PIP4K2A: variants seen among roughly 807,000 people sequenced by gnomAD.
The protein encoded by PIP4K2A is phosphatidylinositol 5-phosphate 4-kinase type-2 alpha.
PIP4K2A carries 14 observed loss-of-function variants against 42.9 expected under a neutral mutation model. That is an observed-to-expected ratio of 0.33 (90% CI 0.22 to 0.51). PIP4K2A has a LOEUF of 0.51. PIP4K2A is among the 20% of genes least tolerant of loss of function. The pLI is 0.97. For synonymous variants in PIP4K2A, 192 were observed against 192.2 expected, an observed-to-expected ratio of 1.00 and a Z score of 0.01; for missense variants, 434 against 519.8, an observed-to-expected ratio of 0.83 and a Z score of 1.61.
At chr10:22,650,301 T>A (rs1459820221) in intron 1 of PIP4K2A, among the ~76,000 whole-genome samples, 3 of 152,190 alleles carry the variant, frequency 2.0e-5, no homozygotes, top group Non-Finnish European at 4.4e-5. Context: ...TCACCCAGAC[T>A]GGAGTATATA....
chr10:22,598,389 T>A (rs1837680084), intron 3 of PIP4K2A, among the ~76,000 whole-genome samples: 1 of 152,192 alleles, frequency 6.6e-6, no homozygotes, highest in South Asian at 2.1e-4. Flanking sequence ...AATTGGGGAT[T>A]CTGCACCTAT....
intron 6 of PIP4K2A, among the ~76,000 whole-genome samples, chr10:22,557,903 G>A (rs889176277): frequency 6.6e-6 from 1 of 152,174 alleles, no homozygotes; most frequent in Non-Finnish European, 1.5e-5. Context: ...CTGGGAAGAA[G>A]AAATGCACCC....
intron 1 of PIP4K2A, among the ~76,000 whole-genome samples, chr10:22,694,973 A>G (rs1307593124): frequency 6.6e-6 from 1 of 152,226 alleles, no homozygotes; most frequent in Non-Finnish European, 1.5e-5. Flanking sequence ...GTTAGAAAGC[A>G]CAGTCAACAA....
At chr10:22,639,434 T>C (rs1838733537) in intron 1 of PIP4K2A, among the ~76,000 whole-genome samples, 1 of 151,702 alleles carries the variant, frequency 6.6e-6, no homozygotes, top group Non-Finnish European at 1.5e-5. Flanking sequence ...ATTTCTCCAT[T>C]TGAGAATTAG....
At chr10:22,593,269 G>A (rs1248188686) in intron 3 of PIP4K2A, among the ~76,000 whole-genome samples, 1 of 152,228 alleles carries the variant, frequency 6.6e-6, no homozygotes, top group Non-Finnish European at 1.5e-5. Context: ...GCAAGCAGGC[G>A]CACCTGCCAG....
Position 22,551,944 on chromosome 10 carries a change from C to CAT in PIP4K2A, c.679-1173_679-1172insAT, listed in dbSNP as rs5783799. ...TATAAAGTATAGACATGCATGTAAACAGTCACATCTATTTACAGCAACACA... is the reference window on the plus strand; with the variant it reads ...TATAAAGTATAGACATGCATGTAAACATAGTCACATCTATTTACAGCAACACA... On this transcript the variant is annotated intron_variant, in intron 6 of 9. Coordinates refer to ENST00000376573, the MANE Select transcript of PIP4K2A (RefSeq NM_005028.5). 5.6e-3 allele frequency among the ~76,000 whole-genome samples: 846 copies of CAT among 152,280 alleles called. 13 individuals carry two copies. Among genetic ancestry groups the CAT allele is most frequent in the African/African-American group, 0.019 (771 of 41,536 alleles).
At chr10:22,680,249 A>G (rs1350964085) in intron 1 of PIP4K2A, among the ~76,000 whole-genome samples, 1 of 152,202 alleles carries the variant, frequency 6.6e-6, no homozygotes, top group South Asian at 2.1e-4. Context: ...TTACTACACG[A>G]ATAAAGCAGA....
chr10:22,698,142 T>C (rs1017688989), intron 1 of PIP4K2A, among the ~76,000 whole-genome samples: 8 of 152,188 alleles, frequency 5.3e-5, no homozygotes, highest in African/African-American at 1.4e-4. Context: ...AGGCAGCCTA[T>C]GTGGAAGCCA....
At chr10:22,551,920 ATAAAG>A (rs1229705012) in intron 6 of PIP4K2A, among the ~76,000 whole-genome samples, 2 of 152,118 alleles carry the variant, frequency 1.3e-5, no homozygotes, top group African/African-American at 4.8e-5. Flanking sequence ...CCTCCTATTT[ATAAAG>A]TATAGACATG....
intron 1 of PIP4K2A, among the ~76,000 whole-genome samples, chr10:22,632,062 G>A (rs1239319860): frequency 6.7e-6 from 1 of 149,154 alleles, no homozygotes; most frequent in African/African-American, 2.5e-5. Context: ...CTCTCGGTGA[G>A]AGCCATTCTA....
intron 4 of PIP4K2A, among the ~76,000 whole-genome samples, chr10:22,586,331 G>A (rs1367521769): frequency 6.6e-6 from 1 of 152,100 alleles, no homozygotes; most frequent in Non-Finnish European, 1.5e-5. Context: ...CTGGAACTTG[G>A]GGGAAAAATC....
At chr10:22,704,044 G>A (rs1833763435) in intron 1 of PIP4K2A, among the ~76,000 whole-genome samples, 1 of 152,150 alleles carries the variant, frequency 6.6e-6, no homozygotes, top group African/African-American at 2.4e-5. Context: ...TTATTCATGT[G>A]AAGATACCTG....
chr10:22,695,234 A>G (rs1234596533), intron 1 of PIP4K2A, among the ~76,000 whole-genome samples: 1 of 152,212 alleles, frequency 6.6e-6, no homozygotes, highest in Non-Finnish European at 1.5e-5. Flanking sequence ...ACTAATATTT[A>G]CCGTCAGTGG....
chr10:22,583,912 T>C (rs558086476), intron 4 of PIP4K2A, among the ~76,000 whole-genome samples: 1 of 152,320 alleles, frequency 6.6e-6, no homozygotes, highest in South Asian at 2.1e-4. Flanking sequence ...TGGCCCAACA[T>C]AGGAGCCTCT....
At chr10:22,695,558 ATATTT>A (rs1588712166) in intron 1 of PIP4K2A, among the ~76,000 whole-genome samples, 1 of 152,204 alleles carries the variant, frequency 6.6e-6, no homozygotes, top group African/African-American at 2.4e-5. Context: ...TATGAAGAGA[ATATTT>A]TATTTCACAA....
At chr10:22,635,883 G>A (rs181380154) in intron 1 of PIP4K2A, among the ~76,000 whole-genome samples, 1 of 152,298 alleles carries the variant, frequency 6.6e-6, no homozygotes, top group African/African-American at 2.4e-5. Flanking sequence ...AACAGGAAAC[G>A]CAGAAAGAGA....
At chr10:22,648,647 G>C (rs1375473252) in intron 1 of PIP4K2A, among the ~76,000 whole-genome samples, 1 of 152,138 alleles carries the variant, frequency 6.6e-6, no homozygotes, top group African/African-American at 2.4e-5. Context: ...ACAGAAAACT[G>C]ATTAACCACA....
chr10:22,544,079 C>G (rs771770033), intron 7 of PIP4K2A, among the ~76,000 whole-genome samples: 1 of 152,138 alleles, frequency 6.6e-6, no homozygotes, highest in Admixed American at 6.5e-5. Context: ...TCCTTTTCTT[C>G]GCAACCCTAG....
chr10:22,575,414 G>A (rs558601237), intron 4 of PIP4K2A, among the ~76,000 whole-genome samples: 107 of 152,164 alleles, frequency 7.0e-4, no homozygotes, highest in African/African-American at 1.9e-3. Flanking sequence ...ACAGAATCCC[G>A]CCATTCCTCT....
Sources: allele counts gnomAD v4.1 joint callset (sites outside exome capture counted in the v4.1 genomes callset), GRCh38; gene constraint gnomAD v4.1.1; transcripts MANE v1.5; gene names NCBI Gene and HGNC (gene_info 2026-07-23, HGNC 2026-07-21).